HYDIN: variants seen among roughly 807,000 people sequenced by gnomAD.
HYDIN encodes the protein axonemal central pair apparatus protein HYDIN.
In HYDIN, 132 loss-of-function variants were observed where a neutral mutation model predicts 403.9. That is an observed-to-expected ratio of 0.33 (90% CI 0.28 to 0.38). HYDIN has a LOEUF of 0.38. HYDIN is among the 10% of genes least tolerant of loss of function. The pLI is 1.00. For missense variants in HYDIN, 2,827 were observed against 5,009.5 expected (o/e 0.56, Z 13.15); for synonymous variants, 1,202 against 1,891.7 (o/e 0.64, Z 9.46).
At chr16:70,808,149 G>C (rs2035220038) in intron 85 of HYDIN, 87 bp from the exon 86 acceptor site, 3 of 1,439,338 alleles carry the variant, frequency 2.1e-6, no homozygotes, top group Admixed American at 4.5e-5. Flanking sequence ...CTCCACTCCT[G>C]GACATCAAGC....
intron 41 of HYDIN, among the ~76,000 whole-genome samples, chr16:70,944,251 T>A (rs970839508): frequency 6.6e-6 from 1 of 152,230 alleles, no homozygotes; most frequent in South Asian, 2.1e-4. Flanking sequence ...ACTAGGGATA[T>A]AACAACAAAC....
At chr16:70,918,050 A>G (rs1378850322) in intron 47 of HYDIN, among the ~76,000 whole-genome samples, 161 bp downstream of exon 47, 1 of 147,058 alleles carries the variant, frequency 6.8e-6, no homozygotes, top group Non-Finnish European at 1.5e-5. Context: ...GGATGCTCAC[A>G]TGAGGTTTTC....
chr16:70,970,431 G>A (rs1228583004), intron 36 of HYDIN, 89 bp downstream of exon 36: 23 of 1,002,894 alleles, frequency 2.3e-5, no homozygotes, highest in Non-Finnish European at 3.5e-5. Flanking sequence ...AAAGGCTATA[G>A]GGAAGTAATC....
At chr16:71,064,986 C>G in intron 15 of HYDIN, 146 bp from the exon 16 acceptor site, 1 of 568,962 alleles carries the variant, frequency 1.8e-6, no homozygotes, top group Non-Finnish European at 3.1e-6. Context: ...AGCTTCTCTC[C>G]TCCTCTCTTC....
chr16:71,163,554 G>A (rs2086101011), intron 5 of HYDIN, among the ~76,000 whole-genome samples: 2 of 152,166 alleles, frequency 1.3e-5, no homozygotes, highest in African/African-American at 2.4e-5. Flanking sequence ...TGCTATGCCA[G>A]TTTCAAGCTG....
chr16:70,957,934 G>C lies in HYDIN; in HGVS notation c.6142+1713C>G, dbSNP rs377745439. ...CCACATCATTAATTATTTTTCCTAAGAAAATTTTAGAAGTAACATTGTCAG... is the reference window on the plus strand; with the variant it reads ...CCACATCATTAATTATTTTTCCTAACAAAATTTTAGAAGTAACATTGTCAG... On this transcript the variant is annotated intron_variant, in intron 39 of 85. Transcript: ENST00000393567. 3.4e-4 allele frequency among the ~76,000 whole-genome samples: 42 copies of C among 121,956 alleles called. 1 individual carries two copies. The highest frequency in any genetic ancestry group is 1.3e-3 in the African/African-American group (40 of 31,210). 80.0% of individuals were successfully genotyped at this position (121,956 alleles called of 152,430 possible).
chr16:70,991,106 C>T (rs2079336321), intron 25 of HYDIN, among the ~76,000 whole-genome samples: 1 of 152,172 alleles, frequency 6.6e-6, no homozygotes, highest in South Asian at 2.1e-4. Flanking sequence ...CCTTTAGTAT[C>T]CTCTATCTAG....
intron 53 of HYDIN, among the ~76,000 whole-genome samples, chr16:70,898,935 ATTTTGTAT>A (rs4028358): frequency 1.3e-5 from 2 of 151,986 alleles, no homozygotes; most frequent in African/African-American, 4.8e-5. Context: ...AATTTTTGTA[ATTTTGTAT>A]TTTTGTATTT....
At chr16:70,980,569 T>C (rs2079017641) in intron 29 of HYDIN, among the ~76,000 whole-genome samples, 1 of 149,378 alleles carries the variant, frequency 6.7e-6, no homozygotes, top group African/African-American at 2.4e-5. Context: ...TATATATATA[T>C]GCAAGTTTTC....
rs201583096 is a variant in HYDIN at position 70,868,596 on chromosome 16, G to A, written c.11284C>T (p.Pro3762Ser). 2 of 1,612,874 alleles carry A rather than the reference G, an allele frequency of 1.2e-6. No individual in the cohort carries two copies. The highest frequency in any genetic ancestry group is 1.7e-5 in the Admixed American group (1 of 59,960). ...TTTCGTTTTGTAGTGAAAGTCCCAG[G>A]CATGTTTCTGGGTACGTCCACCCAC... is the stretch of plus-strand genomic sequence containing the variant. ...VKWVDVPRNM[P>S]GTFTTKRKVI... is the part of the protein sequence containing the mutation. Residue 3762 changes from proline (P) to serine (S), a missense_variant, in exon 66 of 86, where the codon CCT becomes TCT. Transcript: ENST00000393567.
intron 7 of HYDIN, among the ~76,000 whole-genome samples, chr16:71,139,637 TTTA>T (rs1438791414): frequency 6.6e-5 from 10 of 151,804 alleles, no homozygotes; most frequent in Non-Finnish European, 1.3e-4. Flanking sequence ...ATAAAATAAT[TTTA>T]TTATTTTTCA....
chr16:71,023,047 T>C (rs1204546073), intron 21 of HYDIN, among the ~76,000 whole-genome samples: 1 of 152,118 alleles, frequency 6.6e-6, no homozygotes, highest in Non-Finnish European at 1.5e-5. Flanking sequence ...TCAATAAATA[T>C]TCACTGAGTT....
intron 23 of HYDIN, among the ~76,000 whole-genome samples, chr16:71,015,077 CACTTTGGT>C (rs1320323127): frequency 2.1e-5 from 3 of 144,264 alleles, no homozygotes; most frequent in African/African-American, 7.8e-5. Context: ...GCCACATGTC[CACTTTGGT>C]ACATGTCTGC....
At chr16:70,862,551 A>AT (rs1236103664) in intron 68 of HYDIN, among the ~76,000 whole-genome samples, 2 of 82,004 alleles carry the variant, frequency 2.4e-5, no homozygotes, top group Non-Finnish European at 4.9e-5. Flanking sequence ...CTGTGAACAT[A>AT]TTTTTTTGAG....
intron 41 of HYDIN, 129 bp from the exon 42 acceptor site, chr16:70,944,078 G>T (rs1201795123): frequency 1.5e-6 from 1 of 683,946 alleles, no homozygotes. Flanking sequence ...AATGGGAACT[G>T]CATTATAAAA....
intron 13 of HYDIN, among the ~76,000 whole-genome samples, chr16:71,078,855 G>A (rs77025863): frequency 2.6e-5 from 4 of 152,078 alleles, no homozygotes; most frequent in Admixed American, 2.6e-4. Flanking sequence ...CAAAATTGCT[G>A]GTTATCTCCC....
At chr16:70,897,490 C>A (rs2076239097) in intron 53 of HYDIN, among the ~76,000 whole-genome samples, 1 of 151,398 alleles carries the variant, frequency 6.6e-6, no homozygotes, top group African/African-American at 2.5e-5. Flanking sequence ...TTGAGTTTCG[C>A]CTTCTTTCTC....
At position 70,964,878 on chromosome 16, in the gene HYDIN, C is replaced by T. The variant is rs1425869487; in HGVS notation, c.5638G>A (p.Gly1880Ser). The T allele has an allele frequency of 1.9e-6, 3 of 1,613,586 alleles. No homozygotes were observed. Among genetic ancestry groups the T allele is most frequent in the East Asian group, 4.5e-5 (2 of 44,854 alleles). The change falls in exon 37 of 86, where the codon GGC (glycine) becomes AGC (serine). Residue 1880 changes from glycine (G) to serine (S), a missense_variant. By Grantham distance (56) the Gly-to-Ser change is moderately conservative (BLOSUM62 0). Transcript: ENST00000393567. Reference sequence around the variant, plus strand: ...AGCAGGGTGTTGTAGGAATCATAGCCCTTCAGCTTCCGCAAGATCTGCTCG... The same window carrying T: ...AGCAGGGTGTTGTAGGAATCATAGCTCTTCAGCTTCCGCAAGATCTGCTCG... The part of the protein sequence containing the change: ...IEEKILRKLK[G>S]YDSYNTLLLP...
intron 14 of HYDIN, among the ~76,000 whole-genome samples, chr16:71,067,697 A>G (rs2082322571): frequency 6.6e-6 from 1 of 152,138 alleles, no homozygotes; most frequent in African/African-American, 2.4e-5. Flanking sequence ...GCAACATCGA[A>G]CCAACTTTAA....
Sources: allele counts gnomAD v4.1 joint callset (sites outside exome capture counted in the v4.1 genomes callset), GRCh38; gene constraint gnomAD v4.1.1; transcripts MANE v1.5; gene names NCBI Gene and HGNC (gene_info 2026-07-23, HGNC 2026-07-21).